The following CFTR variants were observed in gnomAD, a reference collection of about 807,000 sequenced individuals.
CFTR encodes CF transmembrane conductance regulator, also known as cystic fibrosis transmembrane conductance regulator.
A neutral mutation model predicts 171.6 loss-of-function variants in CFTR; 181 were observed. The observed-to-expected ratio is 1.05, with a 90% confidence interval of 0.93 to 1.19. The LOEUF is 1.19. Among genes scored for constraint, CFTR ranks in the 50% most tolerant of loss-of-function variants. The pLI is 0.00. For missense variants in CFTR, 1,968 were observed against 1,734.7 expected (o/e 1.13, Z -2.39); for synonymous variants, 583 against 608.0 (o/e 0.96, Z 0.60).
At chr7:117,502,893 G>A (rs978160167) in intron 1 of CFTR, among the ~76,000 whole-genome samples, 2 of 152,174 alleles carry the variant, frequency 1.3e-5, no homozygotes, top group African/African-American at 2.4e-5. Context: ...AGGAATAATT[G>A]ATGAAGTTAC....
chr7:117,650,886 A>G (rs1023177679), intron 23 of CFTR, among the ~76,000 whole-genome samples: 1 of 152,146 alleles, frequency 6.6e-6, no homozygotes, highest in African/African-American at 2.4e-5. Flanking sequence ...GAAGGAAAAA[A>G]TGGTCCACAA....
At chr7:117,649,160 C>T (rs1251840292) in intron 23 of CFTR, among the ~76,000 whole-genome samples, 1 of 151,462 alleles carries the variant, frequency 6.6e-6, no homozygotes, top group East Asian at 1.9e-4. Context: ...AAAAGACCCA[C>T]CATTTCCCAA....
intron 24 of CFTR, among the ~76,000 whole-genome samples, chr7:117,662,238 G>A (rs1038236997): frequency 1.3e-5 from 2 of 152,006 alleles, no homozygotes; most frequent in African/African-American, 4.8e-5. Context: ...GTTTTGTTTG[G>A]CCACCCACAT....
Position 117,609,895 on chromosome 7 carries a change from TG to T in CFTR, c.2989-623del, listed in dbSNP as rs574413368. Among the ~76,000 whole-genome samples, 4 of 152,208 alleles carry T rather than the reference TG, an allele frequency of 2.6e-5. No individual in the cohort carries two copies. The South Asian group carries it at 8.3e-4, about 32-fold the overall frequency. Reference sequence around the variant, plus strand: ...TTTCAAACTTCAAAAATGTTATCAGTGACCTAAACAATTTTTAAAATTTTCA... The same window carrying T: ...TTTCAAACTTCAAAAATGTTATCAGTACCTAAACAATTTTTAAAATTTTCA... On this transcript the variant is annotated intron_variant, in intron 18 of 26. Coordinates refer to ENST00000003084, the MANE Select transcript of CFTR (RefSeq NM_000492.4).
chr7:117,628,981 A>C (rs551246876), intron 22 of CFTR, among the ~76,000 whole-genome samples: 22 of 152,240 alleles, frequency 1.4e-4, no homozygotes, highest in African/African-American at 5.3e-4. Flanking sequence ...TCTCCTCCTG[A>C]CATCCTGCCA....
At chr7:117,646,895 C>A (rs1187611644) in intron 23 of CFTR, among the ~76,000 whole-genome samples, 1 of 151,786 alleles carries the variant, frequency 6.6e-6, no homozygotes, top group Non-Finnish European at 1.5e-5. Flanking sequence ...TTTATGCTAT[C>A]TCTGAAAATG....
intron 1 of CFTR, among the ~76,000 whole-genome samples, chr7:117,490,393 C>T (rs1473080752): frequency 1.3e-5 from 2 of 150,448 alleles, no homozygotes; most frequent in African/African-American, 4.9e-5. Context: ...ATTATGATGG[C>T]TAACAAGTCC....
At chr7:117,501,776 C>CAAACAAAAAAAAAAA (rs1798333567) in intron 1 of CFTR, among the ~76,000 whole-genome samples, 1 of 84,340 alleles carries the variant, frequency 1.2e-5, no homozygotes, top group Non-Finnish European at 2.7e-5. Context: ...AAAAAAGAAA[C>CAAACAAAAAAAAAAA]AAAAAAAAAA....
At chr7:117,650,918 T>C (rs556964392) in intron 23 of CFTR, among the ~76,000 whole-genome samples, 3 of 152,326 alleles carry the variant, frequency 2.0e-5, no homozygotes, top group Non-Finnish European at 4.4e-5. Context: ...CATTTTGCTG[T>C]GGTGATGAGG....
At chr7:117,592,986 A>G (rs1792059655) in intron 14 of CFTR, among the ~76,000 whole-genome samples, 1 of 152,234 alleles carries the variant, frequency 6.6e-6, no homozygotes, top group South Asian at 2.1e-4. Flanking sequence ...GAGGTGCAGT[A>G]TAAATAACTG....
intron 11 of CFTR, chr7:117,560,822 C>CA (rs933582970): frequency 1.3e-5 from 2 of 151,990 alleles, no homozygotes; most frequent in African/African-American, 4.8e-5. Context: ...GGATTTGTTA[C>CA]AAAAAAATCT....
chr7:117,611,811 A>C lies in CFTR; in HGVS notation c.3367+3A>C, dbSNP rs1194763712. 2 of 1,595,268 alleles carry C rather than the reference A, an allele frequency of 1.3e-6. No individual in the cohort carries two copies. Among genetic ancestry groups the C allele is most frequent in the Admixed American group, 3.3e-5 (2 of 59,772 alleles). On this transcript the variant is annotated splice_donor_region_variant and intron_variant, in intron 20 of 26. Coordinates refer to ENST00000003084, the MANE Select transcript of CFTR (RefSeq NM_000492.4). ...CTTCATTTCCATTTTAACAACAGGT[A>C]CTATGAACTCATTAACTTTAGCTAA...
intron 15 of CFTR, among the ~76,000 whole-genome samples, chr7:117,597,825 AG>A (rs757786170): frequency 2.1e-5 from 3 of 140,958 alleles, no homozygotes; most frequent in South Asian, 2.7e-4. Context: ...AAAAAAAAAA[AG>A]GGGCGGGGGG....
At chr7:117,601,812 A>G (rs1476537134) in intron 15 of CFTR, among the ~76,000 whole-genome samples, 1 of 152,254 alleles carries the variant, frequency 6.6e-6, no homozygotes, top group Non-Finnish European at 1.5e-5. Flanking sequence ...AAATTGAAAT[A>G]GAACAGAGCA....
chr7:117,534,915 G>A (rs1378849009), intron 5 of CFTR, among the ~76,000 whole-genome samples: 1 of 152,190 alleles, frequency 6.6e-6, no homozygotes, highest in Non-Finnish European at 1.5e-5. Flanking sequence ...CATGTTCTAT[G>A]CTGTGGTTCT....
chr7:117,614,093 C>T (rs2116094549), intron 20 of CFTR, among the ~76,000 whole-genome samples: 1 of 128,218 alleles, frequency 7.8e-6, no homozygotes, highest in Admixed American at 9.9e-5. Context: ...CGGTGAAATT[C>T]TAAGTCCACT....
chr7:117,547,350 C>T (rs1234913518), intron 9 of CFTR, among the ~76,000 whole-genome samples: 2 of 152,026 alleles, frequency 1.3e-5, no homozygotes, highest in East Asian at 3.8e-4. Context: ...TTCTTCAAAA[C>T]CCTGAAGCTG....
At chr7:117,601,345 C>T (rs1447638074) in intron 15 of CFTR, among the ~76,000 whole-genome samples, 2 of 152,018 alleles carry the variant, frequency 1.3e-5, no homozygotes, top group Non-Finnish European at 2.9e-5. Context: ...TTTACAGATA[C>T]AGTGCATAGA....
At chr7:117,501,527 C>A (rs1390112475) in intron 1 of CFTR, among the ~76,000 whole-genome samples, 1 of 151,768 alleles carries the variant, frequency 6.6e-6, no homozygotes, top group African/African-American at 2.4e-5. Flanking sequence ...AGGTGGATTG[C>A]CTGAAGTCAG....
Sources: allele counts gnomAD v4.1 joint callset (sites outside exome capture counted in the v4.1 genomes callset), GRCh38; gene constraint gnomAD v4.1.1; transcripts MANE v1.5; gene names NCBI Gene and HGNC (gene_info 2026-07-23, HGNC 2026-07-21).